CFAP54: variants seen among roughly 807,000 people sequenced by gnomAD.
CFAP54 encodes cilia- and flagella-associated protein 54.
In CFAP54, 290 loss-of-function variants were observed where a neutral mutation model predicts 370.4. The ratio of observed to expected loss-of-function variants is 0.78; its 90% CI spans 0.71 to 0.86. CFAP54 has a LOEUF of 0.86. CFAP54 is among the 40% of genes least tolerant of loss of function. The probability of loss-of-function intolerance (pLI) is 0.00; values close to 1 mark genes in which losing one functional copy is unlikely to be tolerated. For synonymous variants in CFAP54, 1,206 were observed against 1,236.5 expected, an observed-to-expected ratio of 0.98 and a Z score of 0.52; for missense variants, 3,399 against 3,528.7, an observed-to-expected ratio of 0.96 and a Z score of 0.93.
chr12:96,785,908 G>A lies in CFAP54; in HGVS notation c.8456-767G>A, dbSNP rs183817718. Among the ~76,000 whole-genome samples, 459 of 152,272 alleles carry A rather than the reference G, an allele frequency of 3.0e-3. 1 individual carries two copies. Among genetic ancestry groups the A allele is most frequent in the Non-Finnish European group, 3.4e-3 (231 of 68,016 alleles). On this transcript the variant is annotated intron_variant, in intron 61 of 67. Coordinates refer to ENST00000524981, the MANE Select transcript of CFAP54 (RefSeq NM_001306084.2). ...CAGTCTCTCGACGGGACAGTTCTAC[G>A]TGGTTTGTCAGAAGGTTCCCAGTGG... is the stretch of plus-strand genomic sequence containing the variant.
chr12:96,709,416 A>G (rs952694911), intron 48 of CFAP54, among the ~76,000 whole-genome samples: 3 of 152,134 alleles, frequency 2.0e-5, no homozygotes, highest in African/African-American at 7.2e-5. Flanking sequence ...ATTGTATTAG[A>G]TGTTGCCTTA....
Position 96,700,045 on chromosome 12 carries a change from C to T in CFAP54, c.6426C>T (p.Asn2142=). 1 of 1,610,080 alleles carries T rather than the reference C, an allele frequency of 6.2e-7. No homozygotes were observed. The highest frequency in any genetic ancestry group is 8.5e-7 in the Non-Finnish European group (1 of 1,178,288). The part of the protein sequence containing the change: ...YEISQIFYGK[N]MPCPIPAGYK... ...TATCCCAAATTTTCTATGGAAAAAA[C>T]ATGCCTTGTCCAATACCTGCAGGCT... The change falls in exon 46 of 68, where the codon AAC becomes AAT. Residue 2142 remains asparagine, a synonymous_variant. Coordinates refer to ENST00000524981, the MANE Select transcript of CFAP54 (RefSeq NM_001306084.2).
chr12:96,620,389 G>A (rs911900483), intron 26 of CFAP54, among the ~76,000 whole-genome samples: 4 of 152,134 alleles, frequency 2.6e-5, no homozygotes, highest in Admixed American at 6.6e-5. Flanking sequence ...CACGATATCC[G>A]ACAGTTTTAT....
At chr12:96,522,780 CT>C (rs1955335053) in intron 8 of CFAP54, among the ~76,000 whole-genome samples, 1 of 152,174 alleles carries the variant, frequency 6.6e-6, no homozygotes, top group South Asian at 2.1e-4. Flanking sequence ...TCAAACATTG[CT>C]GGTCATTTGG....
At chr12:96,764,104 G>T (rs751618139) in intron 58 of CFAP54, 47 bp from the exon 59 acceptor site, 5 of 1,250,164 alleles carry the variant, frequency 4.0e-6, no homozygotes, top group Non-Finnish European at 5.8e-6. Context: ...AAGATGAGAA[G>T]AGTTATCACA....
At chr12:96,518,879 T>A in intron 5 of CFAP54, 49 bp from the exon 6 acceptor site, 4 of 1,473,688 alleles carry the variant, frequency 2.7e-6, no homozygotes, top group Non-Finnish European at 3.6e-6. Context: ...ACAATTATCA[T>A]TATTAACTTC....
intron 40 of CFAP54, among the ~76,000 whole-genome samples, chr12:96,680,225 T>A (rs1005351239): frequency 6.6e-6 from 1 of 152,220 alleles, no homozygotes; most frequent in African/African-American, 2.4e-5. Flanking sequence ...TCTTAGGGCT[T>A]TTATTTTAGC....
At position 96,559,198 on chromosome 12, in the gene CFAP54, AG is replaced by A. The variant is rs557328603; in HGVS notation, c.2410+4399del. ...TCCACTGCACTCCAGCCTGGGTGAC[AG>A]GGCGAGGCTCCATCTCAAAAAAAAA... is the stretch of plus-strand genomic sequence containing the variant. On this transcript the variant is annotated intron_variant, in intron 17 of 67. Coordinates refer to ENST00000524981, the MANE Select transcript of CFAP54 (RefSeq NM_001306084.2). Among the ~76,000 whole-genome samples, 435 of 152,272 alleles carry A rather than the reference AG, an allele frequency of 2.9e-3. 2 individuals are homozygous for A. The highest frequency in any genetic ancestry group is 4.6e-3 in the Non-Finnish European group (314 of 68,008).
intron 32 of CFAP54, among the ~76,000 whole-genome samples, chr12:96,632,755 T>A (rs533886116): frequency 6.6e-6 from 1 of 152,168 alleles, no homozygotes; most frequent in South Asian, 2.1e-4. Context: ...TTTTGATTAA[T>A]ACAAAAAACT....
intron 19 of CFAP54, among the ~76,000 whole-genome samples, chr12:96,573,278 T>TAC (rs1955942499): frequency 1.3e-5 from 2 of 152,244 alleles, no homozygotes; most frequent in African/African-American, 2.4e-5. Context: ...CGAATGAAGA[T>TAC]ACATTAATGT....
intron 63 of CFAP54, among the ~76,000 whole-genome samples, chr12:96,795,987 G>A (rs1958757444): frequency 6.6e-6 from 1 of 152,166 alleles, no homozygotes; most frequent in Non-Finnish European, 1.5e-5. Context: ...CCTCCACCCT[G>A]TATTTTGCTT....
chr12:96,768,230 A>G, intron 60 of CFAP54, among the ~76,000 whole-genome samples: 1 of 152,194 alleles, frequency 6.6e-6, no homozygotes, highest in African/African-American at 2.4e-5. Flanking sequence ...GTGAGACAGG[A>G]GAATCGCTTG....
intron 44 of CFAP54, among the ~76,000 whole-genome samples, chr12:96,692,079 T>G (rs1332095656): frequency 6.6e-6 from 1 of 152,026 alleles, no homozygotes; most frequent in Non-Finnish European, 1.5e-5. Flanking sequence ...CTTACTTTTT[T>G]CCCCCACATA....
chr12:96,718,625 C>CA, intron 49 of CFAP54, 103 bp downstream of exon 49: 1 of 661,372 alleles, frequency 1.5e-6, no homozygotes, highest in Non-Finnish European at 2.6e-6. Flanking sequence ...CTTGTGAGAG[C>CA]AGTTACCTTT....
chr12:96,662,379 A>G (rs1184047187), intron 38 of CFAP54, among the ~76,000 whole-genome samples: 1 of 151,858 alleles, frequency 6.6e-6, no homozygotes, highest in Non-Finnish European at 1.5e-5. Flanking sequence ...TGATTTTTGT[A>G]TTTTTAGTAG....
At chr12:96,497,145 C>T (rs768255570) in intron 1 of CFAP54, among the ~76,000 whole-genome samples, 10 of 152,156 alleles carry the variant, frequency 6.6e-5, no homozygotes, top group African/African-American at 2.4e-4. Flanking sequence ...AGGTCCTTGA[C>T]CTCAGGGGAG....
At chr12:96,560,887 C>G (rs755058633) in intron 17 of CFAP54, among the ~76,000 whole-genome samples, 1 of 152,134 alleles carries the variant, frequency 6.6e-6, no homozygotes, top group Non-Finnish European at 1.5e-5. Flanking sequence ...AGTGGTTGTA[C>G]GTGATGATTT....
At chr12:96,717,662 G>A (rs138674189) in intron 48 of CFAP54, among the ~76,000 whole-genome samples, 2,252 of 152,308 alleles carry the variant, frequency 0.015, 17 homozygotes, top group Middle Eastern at 0.024. Flanking sequence ...TTTTGAAAGA[G>A]ATATTTGAGT....
At chr12:96,717,884 C>A (rs1402657840) in intron 48 of CFAP54, among the ~76,000 whole-genome samples, 1 of 152,194 alleles carries the variant, frequency 6.6e-6, no homozygotes, top group East Asian at 1.9e-4. Context: ...CTAAAAAATT[C>A]TTTCAGAATT....
Sources: gnomAD v4.1 joint callset for allele counts (sites outside exome capture counted in the v4.1 genomes callset) on GRCh38, gnomAD v4.1.1 for gene constraint, MANE v1.5 for transcripts, NCBI Gene and HGNC (gene_info 2026-07-23, HGNC 2026-07-21) for gene names.